The following MRPL42 variants were observed in gnomAD, a reference collection of about 807,000 sequenced individuals.
The protein encoded by MRPL42 is large ribosomal subunit protein mL42.
MRPL42 carries 17 observed loss-of-function variants against 17.9 expected under a neutral mutation model. The observed-to-expected ratio is 0.95, with a 90% CI of 0.65 to 1.42. The LOEUF (loss-of-function observed/expected upper bound fraction) is 1.42, where lower values mean the gene tolerates loss of function less well. MRPL42 is among the 40% of genes most tolerant of loss of function. MRPL42 has a pLI of 0.00. For synonymous variants in MRPL42, 59 were observed against 54.4 expected (o/e 1.08, Z -0.37); for missense variants, 177 against 175.2 (o/e 1.01, Z -0.06).
rs563687361 is a variant in MRPL42, at chr12:93,513,700, A to G, written c.*12479A>G. 1 of 152,248 alleles carries G rather than the reference A, an allele frequency of 6.6e-6. No homozygotes were observed. Among genetic ancestry groups the G allele is most frequent in the African/African-American group, 2.4e-5 (1 of 41,528 alleles). 9.4% of individuals were successfully genotyped at this position (152,248 alleles called of 1,614,324 possible). A position where few individuals can be genotyped will look rare whatever the true frequency, so the allele number is the denominator to read the frequency against. ...TCCGTTTTATGTGTGTTCCAATTCT[A>G]TTTATTGAAATTTAATTTTATATCC... On this transcript the variant is annotated 3_prime_UTR_variant, in exon 6 of 6. Coordinates refer to ENST00000549982, the MANE Select transcript of MRPL42 (RefSeq NM_014050.4).
rs538745226 is a variant in MRPL42, at chr12:93,503,320, A to T, written c.*2099A>T. 2 of 152,318 alleles carry T rather than the reference A, an allele frequency of 1.3e-5. No individual in the cohort carries two copies. The highest frequency in any genetic ancestry group is 4.8e-5 in the African/African-American group (2 of 41,582). 9.4% of individuals were successfully genotyped at this position (152,318 alleles called of 1,614,324 possible). A position where few individuals can be genotyped will look rare whatever the true frequency, so the allele number is the denominator to read the frequency against. On this transcript the variant is annotated 3_prime_UTR_variant, in exon 6 of 6. Coordinates refer to ENST00000549982, the MANE Select transcript of MRPL42 (RefSeq NM_014050.4). ...TTCATTAGTTGAGAATGACTAGTAG[A>T]ATAAATGGTAATAGTGAAATTAAGT...
chr12:93,470,888 A>G (rs550384403), intron 2 of MRPL42, among the ~76,000 whole-genome samples: 23 of 152,264 alleles, frequency 1.5e-4, no homozygotes, highest in Non-Finnish European at 2.1e-4. Context: ...TGTCTTCGCT[A>G]TTGTGAATAG....
chr12:93,484,059 C>T (rs1880591536), intron 4 of MRPL42, among the ~76,000 whole-genome samples: 1 of 152,096 alleles, frequency 6.6e-6, no homozygotes, highest in Admixed American at 6.6e-5. Flanking sequence ...AGTAACATGC[C>T]TGGAGCTGTC....
At position 93,502,469 on chromosome 12, in the gene MRPL42, C is replaced by T. The variant is rs146746826; in HGVS notation, c.*1248C>T. The T allele has an allele frequency of 1.3e-3, 199 of 152,126 alleles. 2 individuals are homozygous for T. The highest frequency in any genetic ancestry group is 4.2e-3 in the African/African-American group (176 of 41,478). The allele number at this position is 152,126 out of a possible 1,614,324, so 9.4% of individuals were successfully genotyped here. On this transcript the variant is annotated 3_prime_UTR_variant, in exon 6 of 6. Transcript: ENST00000549982. ...AATTTCTCAAAGTCTATTGTTTGAT[C>T]TAGTTATTTTAATAAAGGAACTCTA...
At chr12:93,494,422 G>A (rs1011135715) in intron 5 of MRPL42, among the ~76,000 whole-genome samples, 4 of 152,178 alleles carry the variant, frequency 2.6e-5, no homozygotes, top group African/African-American at 7.2e-5. Flanking sequence ...AACAAGATTC[G>A]CTAATAGACC....
intron 3 of MRPL42, among the ~76,000 whole-genome samples, chr12:93,478,218 CGTACAA>C (rs921707097): frequency 6.6e-6 from 1 of 151,174 alleles, no homozygotes; most frequent in African/African-American, 2.4e-5. Context: ...GGCCTCCCAG[CGTACAA>C]GGATTACAGG....
intron 2 of MRPL42, among the ~76,000 whole-genome samples, chr12:93,471,817 A>G (rs1414066072): frequency 6.6e-6 from 1 of 152,220 alleles, no homozygotes. Flanking sequence ...TTGATTATCT[A>G]GGAGCATTTT....
In MRPL42 at chr12:93,510,543, A is replaced by T. The variant is rs1322400618; in HGVS notation, c.*9322A>T. 1 of 152,228 alleles carries T rather than the reference A, an allele frequency of 6.6e-6. No homozygotes were observed. Among genetic ancestry groups the T allele is most frequent in the Non-Finnish European group, 1.5e-5 (1 of 68,058 alleles). 9.4% of individuals were successfully genotyped at this position (152,228 alleles called of 1,614,324 possible). On this transcript the variant is annotated 3_prime_UTR_variant, in exon 6 of 6. Coordinates refer to ENST00000549982, the MANE Select transcript of MRPL42 (RefSeq NM_014050.4). ...CCAAACTGTCCTACAGAGAGGCTGT[A>T]CCATTTTGCATTCCCACCAGCAGTG...
At chr12:93,480,730 CAG>C (rs1282998975) in intron 4 of MRPL42, among the ~76,000 whole-genome samples, 1 of 151,010 alleles carries the variant, frequency 6.6e-6, no homozygotes, top group Non-Finnish European at 1.5e-5. Context: ...TTAGTAGAGA[CAG>C]GGTTTCACCA....
chr12:93,483,769 A>G (rs1258251517), intron 4 of MRPL42, among the ~76,000 whole-genome samples: 1 of 152,204 alleles, frequency 6.6e-6, no homozygotes, highest in Non-Finnish European at 1.5e-5. Flanking sequence ...ACCTTAGGTT[A>G]CTGTCACTTT....
At chr12:93,471,948 G>A (rs1014743309) in intron 2 of MRPL42, among the ~76,000 whole-genome samples, 1 of 152,212 alleles carries the variant, frequency 6.6e-6, no homozygotes, top group African/African-American at 2.4e-5. Context: ...CATAGACTAT[G>A]TTTTGAAACA....
intron 5 of MRPL42, among the ~76,000 whole-genome samples, chr12:93,495,839 T>G (rs7972715): frequency 0.67 from 101,935 of 151,958 alleles, 34,437 homozygotes; most frequent in Middle Eastern, 0.72. Flanking sequence ...AGCTGAACTC[T>G]GGAAATAAAA....
At position 93,501,483 on chromosome 12, in the gene MRPL42, T is replaced by C. The variant is rs11836135; in HGVS notation, c.*262T>C. ...GGACTTTTCCATAGTGCCAAAGCCA[T>C]ACATATTCAGTAGAACATCAATAAA... On this transcript the variant is annotated 3_prime_UTR_variant, in exon 6 of 6. Transcript: ENST00000549982. 0.026 allele frequency: 6,668 copies of C among 257,062 alleles called. 425 individuals are homozygous for C. Among genetic ancestry groups the C allele is most frequent in the African/African-American group, 0.14 (6,207 of 45,084 alleles). The allele number at this position is 257,062 out of a possible 1,614,324, so 15.9% of individuals were successfully genotyped here. A position where few individuals can be genotyped will look rare whatever the true frequency, so the allele number is the denominator to read the frequency against.
At position 93,487,524 on chromosome 12, in the gene MRPL42, A is replaced by G. The variant is rs141168522; in HGVS notation, c.247A>G (p.Asn83Asp). Residue 83 changes from asparagine to aspartate, a missense_variant, in exon 5 of 6, where the codon AAT (asparagine) becomes GAT (aspartate). Coordinates refer to ENST00000549982, the MANE Select transcript of MRPL42 (RefSeq NM_014050.4). ...KPIPRPDPVH[N>D]NEETHDQVLK... ...TATCCCTCGGCCAGATCCTGTGCAT[A>G]ATAATGAAGAAACACATGATCAAGT... 6.8e-6 allele frequency: 11 copies of G among 1,613,656 alleles called. No individual in the cohort carries two copies. Among genetic ancestry groups the G allele is most frequent in the African/African-American group, 1.3e-5 (1 of 74,920 alleles).
Position 93,487,781 on chromosome 12 carries a change from T to C in MRPL42, c.383+121T>C, listed in dbSNP as rs567263317. ...ATGAGGAAATTAACCCTAAGTAGAA[T>C]CACCTACTATGTTGTACTTTTTTTT... On this transcript the variant is annotated intron_variant, in intron 5 of 5. Coordinates refer to ENST00000549982, the MANE Select transcript of MRPL42 (RefSeq NM_014050.4). The C allele has an allele frequency of 7.8e-5, 70 of 895,452 alleles. No individual in the cohort carries two copies. The East Asian group carries it at 1.5e-3, about 19-fold the overall frequency. The allele number at this position is 895,452 out of a possible 1,614,324, so 55.5% of individuals were successfully genotyped here. A position where few individuals can be genotyped will look rare whatever the true frequency, so the allele number is the denominator to read the frequency against.
chr12:93,479,720 T>C (rs1370424829), intron 4 of MRPL42, among the ~76,000 whole-genome samples: 1 of 152,154 alleles, frequency 6.6e-6, no homozygotes, highest in Non-Finnish European at 1.5e-5. Flanking sequence ...CTAAAAAATT[T>C]GGTAGATTTC....
At chr12:93,470,101 A>G (rs1879837286) in intron 2 of MRPL42, among the ~76,000 whole-genome samples, 1 of 152,118 alleles carries the variant, frequency 6.6e-6, no homozygotes, top group South Asian at 2.1e-4. Context: ...CCATCTTCCA[A>G]AGATAATCAT....
chr12:93,470,569 T>C (rs1165719889), intron 2 of MRPL42: 3 of 1,277,940 alleles, frequency 2.3e-6, no homozygotes, highest in Non-Finnish European at 3.1e-6. Flanking sequence ...GTCACCCAAA[T>C]AGTGAACATA....
chr12:93,485,019 T>TAC (rs1880668749), intron 4 of MRPL42, among the ~76,000 whole-genome samples: 4 of 43,700 alleles, frequency 9.2e-5, no homozygotes, highest in African/African-American at 2.9e-4. Flanking sequence ...TATATATATA[T>TAC]ATATATATAA....
Sources: gnomAD v4.1 joint callset for allele counts (sites outside exome capture counted in the v4.1 genomes callset) on GRCh38, gnomAD v4.1.1 for gene constraint, MANE v1.5 for transcripts, NCBI Gene and HGNC (gene_info 2026-07-23, HGNC 2026-07-21) for gene names.